The following GPC3 variants were observed in gnomAD, a reference collection of about 807,000 sequenced individuals.
The protein encoded by GPC3 is glypican 3.
Under a neutral mutation model 34.4 loss-of-function variants are expected in GPC3, and 3 were observed. That is an observed-to-expected ratio of 0.09 (90% CI 0.04 to 0.23). GPC3 has a LOEUF of 0.23. Ranked by LOEUF, GPC3 falls within the 10% of genes least tolerant of loss-of-function variation. The pLI is 1.00. For missense variants in GPC3, 351 were observed against 445.6 expected, an observed-to-expected ratio of 0.79 and a Z score of 1.91; for synonymous variants, 177 against 174.0, an observed-to-expected ratio of 1.02 and a Z score of -0.13.
chrX:133,537,122 A>T (rs1032669535), intron 7 of GPC3, among the ~76,000 whole-genome samples: 1 of 111,943 alleles, frequency 8.9e-6, no homozygotes, highest in African/African-American at 3.2e-5. Context: ...CAGAAGGCAA[A>T]TCTAAGGAAG....
intron 6 of GPC3, among the ~76,000 whole-genome samples, chrX:133,627,820 G>A (rs2070322030): frequency 8.9e-6 from 1 of 112,410 alleles, no homozygotes; most frequent in Admixed American, 9.4e-5. Flanking sequence ...CAGTCTCTAT[G>A]GGGAAATCTG....
chrX:133,649,688 T>C (rs185453754), intron 6 of GPC3, among the ~76,000 whole-genome samples: 19 of 111,890 alleles, frequency 1.7e-4, no homozygotes, highest in Admixed American at 2.9e-4. Context: ...CGAGCATCCA[T>C]ATGCAGCTAT....
intron 6 of GPC3, among the ~76,000 whole-genome samples, chrX:133,637,011 G>T (rs986846497): frequency 1.8e-5 from 2 of 111,787 alleles, no homozygotes; most frequent in Non-Finnish European, 3.8e-5. Context: ...TGCCCAACAC[G>T]CTGGGAAAAG....
intron 4 of GPC3, among the ~76,000 whole-genome samples, chrX:133,697,280 A>G (rs1339533384): frequency 8.9e-6 from 1 of 112,189 alleles, no homozygotes; most frequent in Non-Finnish European, 1.9e-5. Context: ...ACCTAAACTA[A>G]AATAACGAAA....
intron 3 of GPC3, among the ~76,000 whole-genome samples, chrX:133,714,194 G>A (rs2071294628): frequency 8.9e-6 from 1 of 111,735 alleles, no homozygotes; most frequent in Non-Finnish European, 1.9e-5. Context: ...ATATATTTGT[G>A]AGACCAAATT....
intron 2 of GPC3, among the ~76,000 whole-genome samples, chrX:133,872,059 T>C (rs755921500): frequency 9.0e-6 from 1 of 111,249 alleles, no homozygotes; most frequent in East Asian, 2.8e-4. Context: ...TCCTCCCACC[T>C]CAGCCTCCCA....
intron 2 of GPC3, among the ~76,000 whole-genome samples, chrX:133,781,998 C>T (rs757384718): frequency 4.5e-5 from 5 of 112,004 alleles, no homozygotes; most frequent in African/African-American, 1.6e-4. Context: ...GGATTGGAAG[C>T]ACTGCCATTT....
At chrX:133,895,243 G>A (rs1208253414) in intron 2 of GPC3, among the ~76,000 whole-genome samples, 1 of 111,754 alleles carries the variant, frequency 8.9e-6, no homozygotes, top group African/African-American at 3.3e-5. Flanking sequence ...GGCAGCTTAC[G>A]TTGTTGGAAA....
At chrX:133,788,743 C>T (rs1176951450) in intron 2 of GPC3, among the ~76,000 whole-genome samples, 4 of 96,056 alleles carry the variant, frequency 4.2e-5, no homozygotes, top group Non-Finnish European at 6.3e-5. Context: ...CCTATGCCCT[C>T]CTCCTCCTCC....
chrX:133,853,935 C>T (rs2075887796), intron 2 of GPC3, among the ~76,000 whole-genome samples: 5 of 111,969 alleles, frequency 4.5e-5, no homozygotes, highest in African/African-American at 1.6e-4. Context: ...GTCAGTTCAC[C>T]TCTTTAAGCC....
chrX:133,774,207 G>T (rs1254950815), intron 2 of GPC3, among the ~76,000 whole-genome samples: 5 of 111,901 alleles, frequency 4.5e-5, no homozygotes, highest in African/African-American at 1.3e-4. Context: ...CTCAGAGGTG[G>T]ATTCACTTCA....
At chrX:133,642,885 C>G (rs748811564) in intron 6 of GPC3, among the ~76,000 whole-genome samples, 31 of 110,224 alleles carry the variant, frequency 2.8e-4, no homozygotes, top group Non-Finnish European at 4.9e-4. Flanking sequence ...TTCTAGAATA[C>G]TGGAGTTTGA....
At chrX:133,729,343 C>T (rs1408947084) in intron 3 of GPC3, among the ~76,000 whole-genome samples, 1 of 111,756 alleles carries the variant, frequency 8.9e-6, no homozygotes, top group African/African-American at 3.3e-5. Flanking sequence ...TGTTCCTTCC[C>T]AGCAGTCATC....
chrX:133,801,831 T>C (rs1218604116), intron 2 of GPC3, among the ~76,000 whole-genome samples: 1 of 112,487 alleles, frequency 8.9e-6, no homozygotes, highest in Non-Finnish European at 1.9e-5. Context: ...CTTTTGTTTT[T>C]TATGTGTTGT....
intron 6 of GPC3, among the ~76,000 whole-genome samples, chrX:133,620,196 GGAGACA>G (rs961211882): frequency 2.0e-5 from 2 of 97,663 alleles, no homozygotes; most frequent in Non-Finnish European, 4.1e-5. Context: ...CTTCAGCCTG[GGAGACA>G]GAGCAAGACT....
chrX:133,651,650 A>C (rs761111986), intron 6 of GPC3, among the ~76,000 whole-genome samples: 2 of 111,713 alleles, frequency 1.8e-5, no homozygotes, highest in East Asian at 5.7e-4. Context: ...ACCTAGCATC[A>C]TGCAGTCACT....
intron 7 of GPC3, among the ~76,000 whole-genome samples, chrX:133,563,017 T>A (rs772553088): frequency 9.0e-6 from 1 of 111,499 alleles, no homozygotes; most frequent in Non-Finnish European, 1.9e-5. Flanking sequence ...AGGGAAATGG[T>A]CAGGAACAGG....
chrX:133,668,891 T>C (rs1338961519), intron 5 of GPC3, among the ~76,000 whole-genome samples: 2 of 111,620 alleles, frequency 1.8e-5, no homozygotes, highest in African/African-American at 6.5e-5. Context: ...TGACTAAATA[T>C]TTGACATTTC....
chrX:133,765,048 A>G (rs992680060), intron 2 of GPC3, among the ~76,000 whole-genome samples: 2 of 112,010 alleles, frequency 1.8e-5, no homozygotes, highest in African/African-American at 6.5e-5. Flanking sequence ...GTAAAGTTCT[A>G]CTACAGTTCT....
Sources: gnomAD v4.1 joint callset for allele counts (sites outside exome capture counted in the v4.1 genomes callset) on GRCh38, gnomAD v4.1.1 for gene constraint, MANE v1.5 for transcripts, NCBI Gene and HGNC (gene_info 2026-07-23, HGNC 2026-07-21) for gene names.